Variants in BMERB1 observed in about 807,000 individuals in gnomAD.
BMERB1 encodes the protein bMERB domain-containing protein 1.
BMERB1 carries 12 observed loss-of-function variants against 23.6 expected under a neutral mutation model. The ratio of observed to expected loss-of-function variants is 0.51; its 90% CI spans 0.33 to 0.82. The LOEUF (loss-of-function observed/expected upper bound fraction) is 0.82, where lower values mean the gene tolerates loss of function less well. Among genes scored for constraint, BMERB1 ranks in the 40% least tolerant of loss-of-function variants. The pLI is 0.03. For synonymous variants in BMERB1, 122 were observed against 96.6 expected (o/e 1.26, Z -1.54); for missense variants, 247 against 255.4 (o/e 0.97, Z 0.22).
intron 1 of BMERB1, among the ~76,000 whole-genome samples, chr16:15,497,005 G>A (rs1180975497): frequency 6.6e-6 from 1 of 152,174 alleles, no homozygotes; most frequent in African/African-American, 2.4e-5. Context: ...GAATGTAGGT[G>A]GCCAAGGAAT....
At chr16:15,527,210 G>A (rs893268986) in intron 2 of BMERB1, among the ~76,000 whole-genome samples, 1 of 151,904 alleles carries the variant, frequency 6.6e-6, no homozygotes, top group Non-Finnish European at 1.5e-5. Context: ...CTGAAACTCT[G>A]TACCATTCAA....
chr16:15,529,625 G>A (rs1217537444), intron 2 of BMERB1, among the ~76,000 whole-genome samples: 1 of 152,086 alleles, frequency 6.6e-6, no homozygotes, highest in East Asian at 1.9e-4. Flanking sequence ...AAATGTTGAC[G>A]GTACCCAGCA....
chr16:15,487,794 G>A (rs1372676496), intron 1 of BMERB1, among the ~76,000 whole-genome samples: 1 of 152,154 alleles, frequency 6.6e-6, no homozygotes, highest in Non-Finnish European at 1.5e-5. Context: ...GACTATATAA[G>A]GTAACTGACA....
At chr16:15,534,286 CAAAAAAAAAAAAA>C (rs1168488547) in intron 2 of BMERB1, among the ~76,000 whole-genome samples, 761 of 41,954 alleles carry the variant, frequency 0.018, 4 homozygotes, top group African/African-American at 0.079. Flanking sequence ...TTTTTAATTG[CAAAAAAAAAAAAA>C]AAAAAAAAAA....
intron 1 of BMERB1, among the ~76,000 whole-genome samples, chr16:15,514,428 C>T (rs1230492404): frequency 6.6e-6 from 1 of 152,144 alleles, no homozygotes; most frequent in East Asian, 1.9e-4. Context: ...AATCTGGGAC[C>T]AGGCAGGAGC....
intron 1 of BMERB1, among the ~76,000 whole-genome samples, chr16:15,465,177 G>A (rs778159705): frequency 3.3e-5 from 5 of 152,028 alleles, no homozygotes; most frequent in Non-Finnish European, 7.4e-5. Flanking sequence ...AATAAGGTCA[G>A]TTATGCAAAA....
intron 2 of BMERB1, among the ~76,000 whole-genome samples, chr16:15,561,974 G>T (rs2030434196): frequency 2.0e-5 from 3 of 152,066 alleles, no homozygotes; most frequent in Non-Finnish European, 2.9e-5. Flanking sequence ...TGCTTGATGT[G>T]CATAATAATC....
At chr16:15,557,677 C>T (rs112974420) in intron 2 of BMERB1, among the ~76,000 whole-genome samples, 1 of 152,188 alleles carries the variant, frequency 6.6e-6, no homozygotes, top group Non-Finnish European at 1.5e-5. Context: ...GATCTGGAAA[C>T]TGCAGTGCAG....
chr16:15,464,172 G>A lies in BMERB1; in HGVS notation c.106+29413G>A, dbSNP rs147230361. On this transcript the variant is annotated intron_variant, in intron 1 of 5. Coordinates refer to ENST00000300006, the MANE Select transcript of BMERB1 (RefSeq NM_033201.3). ...TACTAAAAATACAAAAATTAGCCAG[G>A]TGTGGTGGTGGGCGACTGTAATCTC... Among the ~76,000 whole-genome samples, 383 of 152,038 alleles carry A rather than the reference G, an allele frequency of 2.5e-3. 1 individual carries two copies. The highest frequency in any genetic ancestry group is 2.5e-3 in the Non-Finnish European group (168 of 67,990).
At chr16:15,558,472 A>G (rs954665727) in intron 2 of BMERB1, among the ~76,000 whole-genome samples, 1 of 152,010 alleles carries the variant, frequency 6.6e-6, no homozygotes, top group Admixed American at 6.6e-5. Flanking sequence ...CATTAGCATG[A>G]TCTCGGGGAG....
At chr16:15,564,631 GT>G (rs931156957) in intron 2 of BMERB1, among the ~76,000 whole-genome samples, 5 of 152,218 alleles carry the variant, frequency 3.3e-5, no homozygotes, top group African/African-American at 1.2e-4. Flanking sequence ...ATGCTAGTGT[GT>G]TTTAACTAGC....
intron 1 of BMERB1, among the ~76,000 whole-genome samples, chr16:15,441,282 G>A (rs1598440148): frequency 6.6e-6 from 1 of 151,716 alleles, no homozygotes; most frequent in East Asian, 1.9e-4. Flanking sequence ...GCTGTGGTGA[G>A]ATCTCGGATC....
chr16:15,567,107 C>CT (rs1468099946), intron 2 of BMERB1, among the ~76,000 whole-genome samples: 5 of 152,060 alleles, frequency 3.3e-5, no homozygotes, highest in African/African-American at 1.2e-4. Context: ...GGGAGGATCC[C>CT]TTGAGCCCAG....
In BMERB1 at chr16:15,528,624, G is replaced by C. The variant is rs182014931; in HGVS notation, c.230+13196G>C. Among the ~76,000 whole-genome samples, 224 of 142,288 alleles carry C rather than the reference G, an allele frequency of 1.6e-3. 1 individual carries two copies. Among genetic ancestry groups the C allele is most frequent in the African/African-American group, 5.6e-3 (215 of 38,518 alleles). The allele number at this position is 142,288 out of a possible 152,430, so 93.3% of individuals were successfully genotyped here. ...TTTAGTCTCCACCTCCCCACCCCCC[G>C]ATACACACACCAGGTCCCCTCCTGC... is the stretch of plus-strand genomic sequence containing the variant. On this transcript the variant is annotated intron_variant, in intron 2 of 5. Coordinates refer to ENST00000300006, the MANE Select transcript of BMERB1 (RefSeq NM_033201.3).
intron 1 of BMERB1, among the ~76,000 whole-genome samples, chr16:15,513,243 C>T (rs143445847): frequency 3.9e-5 from 6 of 152,068 alleles, no homozygotes; most frequent in East Asian, 1.9e-4. Context: ...AACATTCTTA[C>T]GGTGAAAATA....
chr16:15,503,036 T>C (rs1270090634), intron 1 of BMERB1, among the ~76,000 whole-genome samples: 1 of 152,208 alleles, frequency 6.6e-6, no homozygotes, highest in Non-Finnish European at 1.5e-5. Context: ...CAGTTGGTCC[T>C]CTGTATCTGT....
chr16:15,452,324 G>GAGGGAGGGAGAC (rs2150924626), intron 1 of BMERB1, among the ~76,000 whole-genome samples: 1 of 6,080 alleles, frequency 1.6e-4, no homozygotes, highest in Admixed American at 2.6e-3. Context: ...GAGAGAGAGG[G>GAGGGAGGGAGAC]AGGGAGGGAG....
intron 2 of BMERB1, among the ~76,000 whole-genome samples, chr16:15,542,064 C>CTT (rs1462459265): frequency 0.013 from 1,636 of 127,844 alleles, 67 homozygotes; most frequent in African/African-American, 0.048. Context: ...GACCACCTGT[C>CTT]TTTTTTTTTT....
At chr16:15,567,283 T>C (rs916809617) in intron 2 of BMERB1, among the ~76,000 whole-genome samples, 13 of 152,206 alleles carry the variant, frequency 8.5e-5, no homozygotes, top group African/African-American at 2.9e-4. Flanking sequence ...ACAATGATTC[T>C]CTCCGAAGGA....
Sources: gnomAD v4.1 joint callset for allele counts (sites outside exome capture counted in the v4.1 genomes callset) on GRCh38, gnomAD v4.1.1 for gene constraint, MANE v1.5 for transcripts, NCBI Gene and HGNC (gene_info 2026-07-23, HGNC 2026-07-21) for gene names.